Variants in ZNF609 observed in about 807,000 individuals in gnomAD.
ZNF609 encodes the protein zinc finger protein 609.
In ZNF609, 11 loss-of-function variants were observed where a neutral mutation model predicts 109.5. That is an observed-to-expected ratio of 0.10 (90% CI 0.06 to 0.17). The LOEUF (loss-of-function observed/expected upper bound fraction) is 0.17, where lower values mean the gene tolerates loss of function less well. Among genes scored for constraint, ZNF609 ranks in the 10% least tolerant of loss-of-function variants. The pLI is 1.00. For missense variants in ZNF609, 1,559 were observed against 1,772.4 expected, an observed-to-expected ratio of 0.88 and a Z score of 2.16; for synonymous variants, 646 against 662.0, an observed-to-expected ratio of 0.98 and a Z score of 0.37.
chr15:64,608,750 T>TG (rs1312967854), intron 2 of ZNF609, among the ~76,000 whole-genome samples: 13 of 152,064 alleles, frequency 8.5e-5, no homozygotes, highest in African/African-American at 1.9e-4. Context: ...TGTGTGTGTA[T>TG]TTTTTTGATA....
At chr15:64,503,956 T>C (rs1456837394) in intron 2 of ZNF609, among the ~76,000 whole-genome samples, 1 of 152,224 alleles carries the variant, frequency 6.6e-6, no homozygotes, top group Non-Finnish European at 1.5e-5. Flanking sequence ...TTGTGCCTTC[T>C]AGCTTAGTTC....
Position 64,674,142 on chromosome 15 carries a change from G to A in ZNF609, c.1288G>A (p.Val430Ile), listed in dbSNP as rs1470972897. The change falls in exon 5 of 10, where the codon GTC (valine) becomes ATC (isoleucine). Residue 430 changes from valine to isoleucine, a missense_variant. Around this residue, in one of 4 missense-constraint regions of ZNF609, gnomAD observed 1,204 missense variants for 1,314.1 expected, o/e 0.92. Transcript: ENST00000326648. ...ACCTGCCAGCAGCACTTCTGAGGATGTCAAGGCCAGCCCTTCCTCAGCTAA... is the reference window on the plus strand; with the variant it reads ...ACCTGCCAGCAGCACTTCTGAGGATATCAAGGCCAGCCCTTCCTCAGCTAA... Reference protein sequence around the residue: ...RPPASSTSEDVKASPSSANKR... With the variant: ...RPPASSTSEDIKASPSSANKR... 1 of 1,614,206 alleles carries A rather than the reference G, an allele frequency of 6.2e-7. No individual in the cohort carries two copies. The highest frequency in any genetic ancestry group is 1.1e-5 in the South Asian group (1 of 91,084).
chr15:64,575,200 G>A (rs1270043031), intron 2 of ZNF609, among the ~76,000 whole-genome samples: 1 of 152,122 alleles, frequency 6.6e-6, no homozygotes, highest in African/African-American at 2.4e-5. Context: ...TGAGGCGGGT[G>A]GATTACCTGA....
At chr15:64,488,922 GAAAGAAA>G (rs1893370414) in intron 1 of ZNF609, among the ~76,000 whole-genome samples, 3 of 8,034 alleles carry the variant, frequency 3.7e-4, no homozygotes. Context: ...AAAAAAGAAA[GAAAGAAA>G]GAAAGAAAGA....
At chr15:64,671,062 T>C (rs1025967023) in intron 4 of ZNF609, among the ~76,000 whole-genome samples, 2 of 150,544 alleles carry the variant, frequency 1.3e-5, no homozygotes, top group Non-Finnish European at 3.0e-5. Flanking sequence ...ACAAAAAAAT[T>C]AGCCGGGCGT....
intron 2 of ZNF609, among the ~76,000 whole-genome samples, chr15:64,505,786 C>T (rs1289200394): frequency 1.3e-5 from 2 of 152,078 alleles, no homozygotes; most frequent in Admixed American, 6.6e-5. Context: ...GTATTCGGGG[C>T]CACTTCTCAT....
chr15:64,645,083 T>TTCCCTCCCTCCCTCCCTCCCTCCCTCCC (rs1261279734), intron 3 of ZNF609, among the ~76,000 whole-genome samples: 1 of 60,016 alleles, frequency 1.7e-5, no homozygotes, highest in African/African-American at 8.0e-5. Flanking sequence ...CTTCCTTTCT[T>TTCCCTCCCTCCCTCCCTCCCTCCCTCCC]TCCCTCCCTC....
intron 3 of ZNF609, among the ~76,000 whole-genome samples, chr15:64,628,216 A>G (rs1159000845): frequency 6.6e-6 from 1 of 151,970 alleles, no homozygotes; most frequent in African/African-American, 2.4e-5. Flanking sequence ...CAGGAGGATC[A>G]CTTGAACCCA....
At chr15:64,579,377 T>A (rs1234018822) in intron 2 of ZNF609, among the ~76,000 whole-genome samples, 2 of 143,352 alleles carry the variant, frequency 1.4e-5, no homozygotes, top group Non-Finnish European at 3.0e-5. Context: ...TCCATTGCTC[T>A]ACAGTCTGGG....
At chr15:64,624,579 G>A (rs1895923279) in intron 3 of ZNF609, among the ~76,000 whole-genome samples, 1 of 151,976 alleles carries the variant, frequency 6.6e-6, no homozygotes, top group Non-Finnish European at 1.5e-5. Context: ...CTTTGAGAGA[G>A]TGAGGCTAAT....
intron 2 of ZNF609, among the ~76,000 whole-genome samples, chr15:64,576,906 ATG>A (rs1894964468): frequency 7.6e-6 from 1 of 132,034 alleles, no homozygotes. Context: ...ATACATATAT[ATG>A]TATATATACA....
intron 2 of ZNF609, among the ~76,000 whole-genome samples, chr15:64,564,357 G>A (rs1288632898): frequency 6.6e-6 from 1 of 152,100 alleles, no homozygotes; most frequent in Non-Finnish European, 1.5e-5. Context: ...GTTGTGGCCA[G>A]AGAAGCTGCT....
chr15:64,537,510 A>AG (rs1162149097), intron 2 of ZNF609, among the ~76,000 whole-genome samples: 1 of 151,782 alleles, frequency 6.6e-6, no homozygotes, highest in Non-Finnish European at 1.5e-5. Context: ...CTCAAAAAAA[A>AG]AAAAAGAAAA....
chr15:64,564,018 G>A (rs1220626252), intron 2 of ZNF609, among the ~76,000 whole-genome samples: 1 of 151,804 alleles, frequency 6.6e-6, no homozygotes, highest in Non-Finnish European at 1.5e-5. Context: ...CGAGTAGCTG[G>A]GACTGCAGAC....
intron 3 of ZNF609, among the ~76,000 whole-genome samples, chr15:64,647,967 A>G (rs2140995338): frequency 6.6e-6 from 1 of 152,254 alleles, no homozygotes; most frequent in African/African-American, 2.4e-5. Context: ...ACCAGTATGT[A>G]GCTTTATTGC....
chr15:64,554,477 C>CAAACA (rs1415516445), intron 2 of ZNF609, among the ~76,000 whole-genome samples: 5 of 151,944 alleles, frequency 3.3e-5, no homozygotes, highest in Non-Finnish European at 4.4e-5. Context: ...CCCATCTCTA[C>CAAACA]AAACAAAACA....
chr15:64,497,061 C>T (rs996209641), intron 1 of ZNF609, among the ~76,000 whole-genome samples: 4 of 152,136 alleles, frequency 2.6e-5, no homozygotes, highest in African/African-American at 7.2e-5. Context: ...GTGATTCTCC[C>T]GCCTTGGCCT....
At chr15:64,635,598 G>A (rs148719398) in intron 3 of ZNF609, among the ~76,000 whole-genome samples, 3 of 152,292 alleles carry the variant, frequency 2.0e-5, no homozygotes, top group Admixed American at 6.5e-5. Context: ...TGGTTGTGAT[G>A]AAATCTGCTG....
intron 2 of ZNF609, among the ~76,000 whole-genome samples, chr15:64,588,027 A>G (rs1045178380): frequency 3.3e-5 from 5 of 151,806 alleles, no homozygotes; most frequent in African/African-American, 1.2e-4. Context: ...GGCATGAGCC[A>G]CTGCCCAGCC....
Sources: allele counts gnomAD v4.1 joint callset (sites outside exome capture counted in the v4.1 genomes callset), GRCh38; gene constraint gnomAD v4.1.1; regional missense constraint gnomAD v4.1.1; transcripts MANE v1.5; gene names NCBI Gene and HGNC (gene_info 2026-07-23, HGNC 2026-07-21).